Variants in DACH2 observed in about 807,000 individuals in gnomAD.
DACH2 encodes dachshund homolog 2.
DACH2 carries 17 observed loss-of-function variants against 35.8 expected under a neutral mutation model. The ratio of observed to expected loss-of-function variants is 0.48; its 90% CI spans 0.33 to 0.71. DACH2 has a LOEUF of 0.71. DACH2 is among the 30% of genes least tolerant of loss of function. The probability of loss-of-function intolerance (pLI) is 0.02; values close to 1 mark genes in which losing one functional copy is unlikely to be tolerated. For synonymous variants in DACH2, 195 were observed against 177.3 expected (o/e 1.10, Z -0.79); for missense variants, 469 against 472.7 (o/e 0.99, Z 0.07).
chrX:86,393,755 T>C (rs770537032), intron 2 of DACH2, among the ~76,000 whole-genome samples: 1 of 110,967 alleles, frequency 9.0e-6, no homozygotes, highest in South Asian at 3.8e-4. Flanking sequence ...AGAGTTTAAT[T>C]TGGGTGAACT....
At chrX:86,579,476 CA>C (rs374196979) in intron 3 of DACH2, among the ~76,000 whole-genome samples, 103 of 100,438 alleles carry the variant, frequency 1.0e-3, no homozygotes, top group African/African-American at 2.7e-3. Context: ...GGTGAGTGGA[CA>C]AAAAAAAAAT....
chrX:86,717,808 A>G (rs1196511584), intron 6 of DACH2, among the ~76,000 whole-genome samples: 4 of 105,121 alleles, frequency 3.8e-5, no homozygotes, highest in Non-Finnish European at 1.9e-5. Context: ...ATAATGGAAT[A>G]CTATGATCCT....
intron 1 of DACH2, among the ~76,000 whole-genome samples, chrX:86,314,579 G>T (rs2034861370): frequency 9.0e-6 from 1 of 111,716 alleles, no homozygotes; most frequent in Non-Finnish European, 1.9e-5. Context: ...TCTAAGATAG[G>T]CAAAAATCTA....
intron 3 of DACH2, among the ~76,000 whole-genome samples, chrX:86,588,268 A>G (rs2039600794): frequency 9.0e-6 from 1 of 110,965 alleles, no homozygotes; most frequent in East Asian, 2.8e-4. Flanking sequence ...CAATCATCAT[A>G]GCCTTATAGT....
At chrX:86,759,500 T>A (rs1370054181) in intron 7 of DACH2, among the ~76,000 whole-genome samples, 1 of 111,108 alleles carries the variant, frequency 9.0e-6, no homozygotes, top group Non-Finnish European at 1.9e-5. Context: ...ACTTTTAGTC[T>A]GTGTATGTGT....
In DACH2 at chrX:86,739,883, G is replaced by C; in HGVS notation, c.1240+1G>C. The C allele has an allele frequency of 8.5e-7, 1 of 1,183,119 alleles. No individual in the cohort carries two copies. The highest frequency in any genetic ancestry group is 1.1e-6 in the Non-Finnish European group (1 of 882,684). The stretch of plus-strand genomic sequence containing the variant: ...ATGGATCATCATTTGGAAAGAATGG[G>C]TGAGTAACTTTTCTGAAACAGGTAA... On this transcript the variant is annotated splice_donor_variant, in intron 7 of 11. Coordinates refer to ENST00000373125, the MANE Select transcript of DACH2 (RefSeq NM_053281.3). LOFTEE classifies it high-confidence loss of function.
intron 1 of DACH2, among the ~76,000 whole-genome samples, chrX:86,323,797 G>T (rs1175613469): frequency 3.6e-5 from 4 of 111,688 alleles, no homozygotes; most frequent in Non-Finnish European, 7.5e-5. Context: ...CTAGCACCCC[G>T]AGGGTACTGG....
intron 3 of DACH2, among the ~76,000 whole-genome samples, chrX:86,605,338 G>A (rs367704949): frequency 2.7e-4 from 30 of 110,593 alleles, no homozygotes; most frequent in African/African-American, 8.8e-4. Context: ...CTTAGCTTTT[G>A]TTCATGTGTA....
intron 1 of DACH2, among the ~76,000 whole-genome samples, chrX:86,171,166 T>C (rs763022358): frequency 3.6e-5 from 4 of 111,260 alleles, no homozygotes; most frequent in Non-Finnish European, 7.5e-5. Context: ...GGTGAATGGT[T>C]CCCTATCCTG....
rs12012070 is a variant in DACH2, at chrX:86,589,520, G to A, written c.641-61516G>A. Among the ~76,000 whole-genome samples the A allele has an allele frequency of 7.9e-3, 873 of 111,160 alleles. 11 individuals carry two copies. The highest frequency in any genetic ancestry group is 0.027 in the African/African-American group (813 of 30,658). On this transcript the variant is annotated intron_variant, in intron 3 of 11. Coordinates refer to ENST00000373125, the MANE Select transcript of DACH2 (RefSeq NM_053281.3). ...TTTTATTAAATTGTGTTAGTGTAGC[G>A]CATTTGGCATAAGTGTTGGACCAAT... is the stretch of plus-strand genomic sequence containing the variant.
At chrX:86,798,536 A>G (rs1424710094) in intron 7 of DACH2, 6 of 113,577 alleles carry the variant, frequency 5.3e-5, no homozygotes, top group Non-Finnish European at 1.1e-4. Flanking sequence ...TAAAAACTTT[A>G]CATTTCTATA....
chrX:86,290,526 G>T (rs1293464903), intron 1 of DACH2, among the ~76,000 whole-genome samples: 2 of 100,314 alleles, frequency 2.0e-5, no homozygotes, highest in African/African-American at 3.7e-5. Flanking sequence ...GTAATGCCTA[G>T]GTTTTCTTCT....
intron 1 of DACH2, among the ~76,000 whole-genome samples, chrX:86,319,517 T>A (rs192848196): frequency 3.3e-4 from 37 of 111,795 alleles, no homozygotes; most frequent in Non-Finnish European, 6.2e-4. Context: ...ATAGTTAGGG[T>A]CATGGTTACT....
chrX:86,312,846 G>T (rs149217688), intron 1 of DACH2, among the ~76,000 whole-genome samples: 1,339 of 111,243 alleles, frequency 0.012, 15 homozygotes, highest in African/African-American at 0.042. Context: ...TATTAGTTCT[G>T]TCCCTCTCAG....
intron 2 of DACH2, among the ~76,000 whole-genome samples, chrX:86,483,288 A>G (rs1238486000): frequency 2.7e-5 from 3 of 111,242 alleles, no homozygotes. Flanking sequence ...ATGTTAATAA[A>G]TAAATTCATG....
intron 7 of DACH2, among the ~76,000 whole-genome samples, chrX:86,747,556 T>C (rs1403866797): frequency 8.9e-6 from 1 of 112,192 alleles, no homozygotes; most frequent in African/African-American, 3.2e-5. Flanking sequence ...AATACTGTAG[T>C]CTATTAAGTG....
intron 2 of DACH2, among the ~76,000 whole-genome samples, chrX:86,392,106 G>T (rs1487879380): frequency 9.0e-6 from 1 of 110,653 alleles, no homozygotes; most frequent in Non-Finnish European, 1.9e-5. Flanking sequence ...TTGCTATAAT[G>T]GATGTTTCAA....
At chrX:86,745,064 C>T (rs927469019) in intron 7 of DACH2, among the ~76,000 whole-genome samples, 3 of 110,786 alleles carry the variant, frequency 2.7e-5, no homozygotes, top group Non-Finnish European at 5.7e-5. Context: ...GCAAGATGCC[C>T]CAAGCACTCT....
intron 4 of DACH2, among the ~76,000 whole-genome samples, chrX:86,673,322 C>T (rs925732392): frequency 1.4e-5 from 1 of 70,907 alleles, no homozygotes; most frequent in East Asian, 4.6e-4. Context: ...GGGGACAGAG[C>T]GAGACTCCGT....
Sources: allele counts gnomAD v4.1 joint callset (sites outside exome capture counted in the v4.1 genomes callset), GRCh38; gene constraint gnomAD v4.1.1; transcripts MANE v1.5; gene names NCBI Gene and HGNC (gene_info 2026-07-23, HGNC 2026-07-21).